Variants in ZFP64 observed in about 807,000 individuals in gnomAD.
The protein encoded by ZFP64 is zinc finger protein 64.
A neutral mutation model predicts 51.6 loss-of-function variants in ZFP64; 14 were observed. That is an observed-to-expected ratio of 0.27 (90% CI 0.18 to 0.42). The LOEUF (loss-of-function observed/expected upper bound fraction) is 0.42, where lower values mean the gene tolerates loss of function less well. Ranked by LOEUF, ZFP64 falls within the 10% of genes least tolerant of loss-of-function variation. The pLI, the probability that ZFP64 is intolerant of heterozygous loss-of-function variation, is 1.00. For synonymous variants in ZFP64, 375 were observed against 361.4 expected (o/e 1.04, Z -0.43); for missense variants, 754 against 906.8 (o/e 0.83, Z 2.16).
In ZFP64 at chr20:52,191,764, C is replaced by G; in HGVS notation, c.-128G>C. 8.5e-7 allele frequency: 1 copy of G among 1,181,348 alleles called. No homozygotes were observed. The highest frequency in any genetic ancestry group is 2.9e-5 in the Admixed American group (1 of 34,774). The allele number at this position is 1,181,348 out of a possible 1,614,324, so 73.2% of individuals were successfully genotyped here. A position where few individuals can be genotyped will look rare whatever the true frequency, so the allele number is the denominator to read the frequency against. ...CCTGCCTTCTCCCAACTCTGCGAGG[C>G]GGGGAGGACGGATGTAAAGCAAGCT... is the stretch of plus-strand genomic sequence containing the variant. On this transcript the variant is annotated 5_prime_UTR_variant, in exon 1 of 6. Coordinates refer to ENST00000216923, the MANE Select transcript of ZFP64 (RefSeq NM_018197.3). This position sits in a 1 kb window ranked among gnomAD's most constrained non-coding sequence, Gnocchi z 4.3.
At chr20:52,145,183 T>C (rs981185710) in intron 5 of ZFP64, among the ~76,000 whole-genome samples, 4 of 152,212 alleles carry the variant, frequency 2.6e-5, no homozygotes, top group African/African-American at 9.6e-5. Flanking sequence ...AGAGACCAGC[T>C]GCATGTATGT....
intron 2 of ZFP64, among the ~76,000 whole-genome samples, chr20:52,175,315 G>A (rs1983100847): frequency 6.6e-6 from 1 of 152,084 alleles, no homozygotes; most frequent in South Asian, 2.1e-4. Flanking sequence ...TAGAGACGGG[G>A]TTTCGCCATG....
chr20:52,103,217 G>A (rs796894263), intron 5 of ZFP64, among the ~76,000 whole-genome samples: 20 of 152,276 alleles, frequency 1.3e-4, no homozygotes, highest in African/African-American at 4.8e-4. Context: ...TGTTCCCTCA[G>A]TAAGGTTCCT....
chr20:52,137,504 T>A (rs1980035712), intron 5 of ZFP64, among the ~76,000 whole-genome samples: 1 of 152,202 alleles, frequency 6.6e-6, no homozygotes, highest in Middle Eastern at 3.2e-3. Context: ...TGTGCCCTTC[T>A]GAGGAATATG....
At chr20:52,126,434 A>C (rs1194841184) in intron 5 of ZFP64, among the ~76,000 whole-genome samples, 1 of 152,166 alleles carries the variant, frequency 6.6e-6, no homozygotes, top group East Asian at 1.9e-4. Context: ...GGGCCTGTTT[A>C]AAACTACAAC....
At position 52,153,663 on chromosome 20, in the gene ZFP64, G is replaced by C. The variant is rs868663864; in HGVS notation, c.764-235C>G. 9.2e-5 allele frequency among the ~76,000 whole-genome samples: 14 copies of C among 152,292 alleles called. No individual in the cohort carries two copies. In the South Asian group the frequency reaches 2.9e-3, roughly 32 times the overall value. On this transcript the variant is annotated intron_variant, in intron 5 of 5. Transcript: ENST00000216923. This position sits in a 1 kb window ranked among gnomAD's most constrained non-coding sequence, Gnocchi z 5.1. The stretch of plus-strand genomic sequence containing the variant: ...CAGAAGAAAAATGGGAGATCGAAAA[G>C]AGCAATTTAATTGTCCCAGATAAAA...
intron 5 of ZFP64, among the ~76,000 whole-genome samples, chr20:52,129,197 T>A (rs1979597921): frequency 6.6e-6 from 1 of 151,910 alleles, no homozygotes; most frequent in Admixed American, 6.6e-5. Flanking sequence ...TTCTCCCGCC[T>A]CAGCTTCCCA....
intron 5 of ZFP64, among the ~76,000 whole-genome samples, chr20:52,136,797 C>T (rs1364484861): frequency 6.6e-6 from 1 of 152,084 alleles, no homozygotes; most frequent in African/African-American, 2.4e-5. Flanking sequence ...GATGGAGTCT[C>T]ACTCTGTCTC....
At chr20:52,098,172 CAA>C (rs34173401) in intron 6 of ZFP64, among the ~76,000 whole-genome samples, 34 of 124,026 alleles carry the variant, frequency 2.7e-4, no homozygotes, top group African/African-American at 5.9e-4. Context: ...AAACTGTCTC[CAA>C]AAAAAAAAAA....
chr20:52,152,456 C>G lies in ZFP64; in HGVS notation c.1736G>C (p.Gly579Ala). 1 of 1,613,870 alleles carries G rather than the reference C, an allele frequency of 6.2e-7. No individual in the cohort carries two copies. The highest frequency in any genetic ancestry group is 8.5e-7 in the Non-Finnish European group (1 of 1,179,938). ...GATGAGAGTCTGGTGCAGAGTGGCT[C>G]CGTCCGTCTGCTCGTGGGTGGTCAG... The part of the protein sequence containing the change: ...VLLTTHEQTD[G>A]ATLHQTLIPT... The change falls in exon 6 of 6, where the codon GGA (glycine) becomes GCA (alanine). Residue 579 changes from glycine (G) to alanine (A), a missense_variant. Transcript: ENST00000216923.
intron 2 of ZFP64, among the ~76,000 whole-genome samples, chr20:52,173,161 C>G (rs1330081985): frequency 6.6e-6 from 1 of 152,112 alleles, no homozygotes; most frequent in African/African-American, 2.4e-5. Flanking sequence ...ATTTGCTTCC[C>G]CCTTCCCTTC....
At chr20:52,103,878 G>A (rs192281902) in intron 5 of ZFP64, among the ~76,000 whole-genome samples, 8 of 152,298 alleles carry the variant, frequency 5.3e-5, no homozygotes, top group African/African-American at 1.7e-4. Context: ...TCGTTTAGTG[G>A]AGGCTTCATT....
chr20:52,162,467 A>T (rs903465054), intron 4 of ZFP64, among the ~76,000 whole-genome samples: 2 of 151,948 alleles, frequency 1.3e-5, no homozygotes, highest in African/African-American at 4.8e-5. Flanking sequence ...TCTACCAAAA[A>T]TACAGAAAAA....
At chr20:52,129,941 A>C (rs531143270) in intron 5 of ZFP64, among the ~76,000 whole-genome samples, 255 of 150,512 alleles carry the variant, frequency 1.7e-3, no homozygotes, top group Non-Finnish European at 3.1e-3. Context: ...CACACAAAAA[A>C]CTCCTGCTGC....
At chr20:52,185,100 T>C (rs775390457) in intron 2 of ZFP64, among the ~76,000 whole-genome samples, 1 of 152,244 alleles carries the variant, frequency 6.6e-6, no homozygotes, top group Non-Finnish European at 1.5e-5. Context: ...CTCAGCTCAC[T>C]GCAACCTCTG....
Position 52,152,336 on chromosome 20 carries a change from G to A in ZFP64, c.1856C>T (p.Ala619Val). Residue 619 changes from alanine (A) to valine (V), a missense_variant, in exon 6 of 6, where the codon GCC becomes GTC. Physicochemically the swap from Ala to Val is moderately conservative, Grantham distance 64 (BLOSUM62 0). Transcript: ENST00000216923. The part of the protein sequence containing the change: ...ITCTDFEGLN[A>V]LIQEGTAEVT... ...TTCTGCTGTCCCCTCCTGAATCAAG[G>A]CGTTTAGGCCTTCAAAGTCAGTGCA... The A allele has an allele frequency of 6.2e-7, 1 of 1,614,184 alleles. No homozygotes were observed. Among genetic ancestry groups the A allele is most frequent in the South Asian group, 1.1e-5 (1 of 91,074 alleles).
intron 5 of ZFP64, among the ~76,000 whole-genome samples, chr20:52,125,010 G>C (rs566307145): frequency 1.2e-4 from 19 of 152,260 alleles, no homozygotes; most frequent in Middle Eastern, 6.8e-3. Context: ...GTGTGCTGGG[G>C]CATCTTTCAG....
At chr20:52,088,238 A>C in intron 8 of ZFP64, 1 of 1,282,554 alleles carries the variant, frequency 7.8e-7, no homozygotes. Flanking sequence ...TTCCGGCAAC[A>C]GAAAAATGAC....
intron 7 of ZFP64, among the ~76,000 whole-genome samples, chr20:52,091,029 C>T (rs1214904945): frequency 2.6e-5 from 4 of 151,614 alleles, no homozygotes; most frequent in African/African-American, 9.7e-5. Context: ...CACATGAGCC[C>T]AGAAGGTGAG....
Sources: gnomAD v4.1 joint callset for allele counts (sites outside exome capture counted in the v4.1 genomes callset) on GRCh38, gnomAD v4.1.1 for gene constraint, Gnocchi (gnomAD v3.1) non-coding constraint, MANE v1.5 for transcripts, NCBI Gene and HGNC (gene_info 2026-07-23, HGNC 2026-07-21) for gene names.